Variants in DUS2 observed in about 807,000 individuals in gnomAD.
DUS2 encodes tRNA-dihydrouridine(20) synthase [NAD(P)+]-like.
DUS2 carries 52 observed loss-of-function variants against 71.3 expected under a neutral mutation model. The ratio of observed to expected loss-of-function variants is 0.73; its 90% confidence interval spans 0.58 to 0.92. The LOEUF is 0.92. DUS2 is among the 40% of genes least tolerant of loss of function. The probability of loss-of-function intolerance (pLI) is 0.00; values close to 1 mark genes in which losing one functional copy is unlikely to be tolerated. For synonymous variants in DUS2, 204 were observed against 227.8 expected, an observed-to-expected ratio of 0.90 and a Z score of 0.94; for missense variants, 558 against 622.6, an observed-to-expected ratio of 0.90 and a Z score of 1.10.
Position 68,078,803 on chromosome 16 carries a change from C to T in DUS2, c.1299C>T (p.Ser433=), listed in dbSNP as rs1019153008. 6.2e-7 allele frequency: 1 copy of T among 1,612,730 alleles called. No homozygotes were observed. Among genetic ancestry groups the T allele is most frequent in the African/African-American group, 1.3e-5 (1 of 74,914 alleles). Residue 433 remains serine, a synonymous_variant, in exon 17 of 17, where the codon AGC becomes AGT. Transcript: ENST00000565263. ...EQAAAIVCLR[S]QGLPEGRLGE... Reference sequence around the variant, plus strand: ...CTGCAGCCATCGTCTGTCTGCGGAGCCAGGGCCTCCCTGAGGGTCGGCTGG... The same window carrying T: ...CTGCAGCCATCGTCTGTCTGCGGAGTCAGGGCCTCCCTGAGGGTCGGCTGG...
chr16:68,074,285 T>C, intron 13 of DUS2, 130 bp downstream of exon 13: 2 of 1,228,950 alleles, frequency 1.6e-6, no homozygotes, highest in Non-Finnish European at 1.1e-6. Flanking sequence ...AGTGGAGTGA[T>C]GGTACAGCTT....
intron 4 of DUS2, among the ~76,000 whole-genome samples, chr16:68,051,703 T>C (rs773228384): frequency 3.9e-4 from 59 of 152,156 alleles, no homozygotes; most frequent in Admixed American, 9.2e-4. Flanking sequence ...TGTTTCTGTT[T>C]AAAGGCATAT....
At chr16:68,069,418 G>A (rs979274111) in intron 10 of DUS2, among the ~76,000 whole-genome samples, 2 of 152,094 alleles carry the variant, frequency 1.3e-5, no homozygotes, top group Admixed American at 1.3e-4. Flanking sequence ...TATAGCAGAG[G>A]GGACATACTC....
chr16:68,041,851 G>T (rs1469158250), intron 3 of DUS2, among the ~76,000 whole-genome samples: 2 of 145,830 alleles, frequency 1.4e-5, no homozygotes, highest in Non-Finnish European at 3.0e-5. Context: ...ATTTTTAAAA[G>T]TTTTTTTTTT....
intron 2 of DUS2, among the ~76,000 whole-genome samples, chr16:68,037,071 T>C (rs2033540936): frequency 6.6e-6 from 1 of 151,998 alleles, no homozygotes; most frequent in South Asian, 2.1e-4. Context: ...GCCTATACTC[T>C]CTGGCTAGAA....
chr16:68,030,623 C>A (rs978691517), intron 2 of DUS2, among the ~76,000 whole-genome samples: 3 of 152,038 alleles, frequency 2.0e-5, no homozygotes, highest in Non-Finnish European at 2.9e-5. Flanking sequence ...TAAAAACCCA[C>A]TAGAAATCCC....
chr16:68,073,927 T>C, intron 12 of DUS2, 107 bp from the exon 13 acceptor site: 1 of 1,431,046 alleles, frequency 7.0e-7, no homozygotes, highest in Non-Finnish European at 9.6e-7. Flanking sequence ...TTGCCTTGGC[T>C]ACACATACAT....
Position 68,040,819 on chromosome 16 carries a change from TG to T in DUS2, c.126+2675del, listed in dbSNP as rs2033615630. Among the ~76,000 whole-genome samples the T allele has an allele frequency of 4.6e-5, 5 of 108,966 alleles. 1 individual carries two copies. The South Asian group carries it at 1.1e-3, about 25-fold the overall frequency. The allele number at this position is 108,966 out of a possible 152,430, so 71.5% of individuals were successfully genotyped here. ...GTACCAGTTGCGTGGATGTTCTTAC[TG>T]GGGGTGGCGGGGGGGAGTTGATGTG... is the stretch of plus-strand genomic sequence containing the variant. On this transcript the variant is annotated intron_variant, in intron 3 of 16. Coordinates refer to ENST00000565263, the MANE Select transcript of DUS2 (RefSeq NM_017803.5).
chr16:68,052,152 C>T (rs1367300026), intron 4 of DUS2, among the ~76,000 whole-genome samples: 2 of 151,868 alleles, frequency 1.3e-5, no homozygotes, highest in Non-Finnish European at 2.9e-5. Flanking sequence ...GTAACCCACC[C>T]GCCTCGGCCT....
chr16:68,078,523 G>T lies in DUS2; in HGVS notation c.1244+5G>T. On this transcript the variant is annotated splice_donor_5th_base_variant and intron_variant, in intron 16 of 16. Transcript: ENST00000565263. ...AAAGTATCAGTCTACCTTGTGGTAAGTTTCCTTATCATAGGAGAGGAGGCT... is the reference window on the plus strand; with the variant it reads ...AAAGTATCAGTCTACCTTGTGGTAATTTTCCTTATCATAGGAGAGGAGGCT... The T allele has an allele frequency of 6.2e-7, 1 of 1,613,742 alleles. No individual in the cohort carries two copies.
intron 3 of DUS2, among the ~76,000 whole-genome samples, chr16:68,039,594 T>C (rs2033590610): frequency 6.6e-6 from 1 of 152,074 alleles, no homozygotes; most frequent in African/African-American, 2.4e-5. Context: ...AATTTCTTTT[T>C]GTATTTTTAG....
At chr16:68,071,850 G>C (rs2034091629) in intron 12 of DUS2, among the ~76,000 whole-genome samples, 1 of 152,116 alleles carries the variant, frequency 6.6e-6, no homozygotes, top group Admixed American at 6.5e-5. Flanking sequence ...TGTTGCCCAG[G>C]CTGGGAATGG....
intron 2 of DUS2, among the ~76,000 whole-genome samples, chr16:68,032,331 T>C (rs1270353363): frequency 1.3e-5 from 2 of 152,148 alleles, no homozygotes; most frequent in Non-Finnish European, 2.9e-5. Flanking sequence ...CCTGGCTCAG[T>C]GCTAGAAATC....
chr16:68,057,028 T>C (rs1229119274), intron 7 of DUS2, among the ~76,000 whole-genome samples: 2 of 135,332 alleles, frequency 1.5e-5, no homozygotes, highest in Non-Finnish European at 3.1e-5. Flanking sequence ...ATAATACATA[T>C]AAATATATGT....
chr16:68,062,298 A>G (rs1292938975), intron 8 of DUS2, among the ~76,000 whole-genome samples: 1 of 152,048 alleles, frequency 6.6e-6, no homozygotes, highest in Non-Finnish European at 1.5e-5. Flanking sequence ...GATGTGAGCC[A>G]CTGTGCCCAG....
intron 12 of DUS2, among the ~76,000 whole-genome samples, 164 bp from the exon 13 acceptor site, chr16:68,073,870 T>G (rs1011876862): frequency 6.6e-6 from 1 of 152,164 alleles, no homozygotes; most frequent in Non-Finnish European, 1.5e-5. Flanking sequence ...ATTACAGATG[T>G]GAGCCACTGC....
At chr16:68,027,705 G>T (rs2033374649) in intron 2 of DUS2, among the ~76,000 whole-genome samples, 1 of 152,248 alleles carries the variant, frequency 6.6e-6, no homozygotes, top group Non-Finnish European at 1.5e-5. Flanking sequence ...TAGTTGCCAG[G>T]ATAGCTCCAT....
intron 4 of DUS2, among the ~76,000 whole-genome samples, chr16:68,052,300 C>T (rs1482754578): frequency 1.3e-5 from 2 of 152,098 alleles, no homozygotes; most frequent in Non-Finnish European, 2.9e-5. Flanking sequence ...CACTTGTTGA[C>T]AGTATGAGAG....
intron 3 of DUS2, 36 bp from the exon 4 acceptor site, chr16:68,049,469 T>A: frequency 6.2e-7 from 1 of 1,611,568 alleles, no homozygotes; most frequent in Non-Finnish European, 8.5e-7. Flanking sequence ...AGCCTACATG[T>A]TCAGGAATGA....
Sources: gnomAD v4.1 joint callset for allele counts (sites outside exome capture counted in the v4.1 genomes callset) on GRCh38, gnomAD v4.1.1 for gene constraint, MANE v1.5 for transcripts, NCBI Gene and HGNC (gene_info 2026-07-23, HGNC 2026-07-21) for gene names.